The following GRM7 variants were observed in gnomAD, a reference collection of about 807,000 sequenced individuals.
GRM7 encodes the protein glutamate metabotropic receptor 7.
GRM7 carries 35 observed loss-of-function variants against 84.5 expected under a neutral mutation model. That is an observed-to-expected ratio of 0.41 (90% confidence interval 0.32 to 0.55). GRM7 has a LOEUF of 0.55. GRM7 is among the 20% of genes least tolerant of loss of function. The pLI is 0.19. For synonymous variants in GRM7, 487 were observed against 455.1 expected (o/e 1.07, Z -0.89); for missense variants, 1,003 against 1,194.6 (o/e 0.84, Z 2.36).
chr3:6,875,761 G>T (rs1247497794), intron 1 of GRM7, among the ~76,000 whole-genome samples: 1 of 152,166 alleles, frequency 6.6e-6, no homozygotes, highest in Non-Finnish European at 1.5e-5. Context: ...GTGAAGTAGG[G>T]TGGGGAGGTG....
At chr3:7,018,444 A>G (rs771951782) in intron 1 of GRM7, among the ~76,000 whole-genome samples, 2 of 152,244 alleles carry the variant, frequency 1.3e-5, no homozygotes, top group African/African-American at 2.4e-5. Flanking sequence ...CTACCTAGGG[A>G]TGAACACAGA....
intron 4 of GRM7, among the ~76,000 whole-genome samples, chr3:7,405,860 G>A (rs899874212): frequency 6.6e-6 from 1 of 151,860 alleles, no homozygotes; most frequent in Non-Finnish European, 1.5e-5. Flanking sequence ...AATATCAACA[G>A]TAGGTTATCA....
intron 1 of GRM7, among the ~76,000 whole-genome samples, chr3:6,882,512 C>G (rs539135676): frequency 7.8e-4 from 118 of 152,048 alleles, no homozygotes; most frequent in Non-Finnish European, 1.1e-3. Context: ...CACCACTGCC[C>G]CCCGGCCTGG....
At chr3:7,185,234 A>G (rs1403698302) in intron 2 of GRM7, among the ~76,000 whole-genome samples, 1 of 152,204 alleles carries the variant, frequency 6.6e-6, no homozygotes, top group African/African-American at 2.4e-5. Context: ...CACCTCTTCC[A>G]AAATAGACCT....
intron 9 of GRM7, among the ~76,000 whole-genome samples, chr3:7,708,073 T>G (rs329041): frequency 0.089 from 13,519 of 151,776 alleles, 1,107 homozygotes; most frequent in African/African-American, 0.21. Flanking sequence ...TTCCTATAAT[T>G]ATAGGATTTT....
chr3:7,196,246 C>A (rs1183305693), intron 2 of GRM7, among the ~76,000 whole-genome samples: 1 of 152,108 alleles, frequency 6.6e-6, no homozygotes, highest in Admixed American at 6.6e-5. Context: ...AGGTCTTTAA[C>A]TGATTAGGTA....
intron 9 of GRM7, among the ~76,000 whole-genome samples, chr3:7,699,384 T>C (rs1314295574): frequency 3.9e-5 from 6 of 152,194 alleles, no homozygotes; most frequent in Non-Finnish European, 8.8e-5. Flanking sequence ...TTCAACTCTC[T>C]ACATACACAT....
intron 1 of GRM7, among the ~76,000 whole-genome samples, chr3:7,126,392 C>A (rs1286427580): frequency 6.6e-6 from 1 of 152,086 alleles, no homozygotes; most frequent in African/African-American, 2.4e-5. Flanking sequence ...TTGAAAATCC[C>A]CCCTAATGTG....
chr3:7,317,257 C>T (rs1433533991), intron 4 of GRM7, among the ~76,000 whole-genome samples: 1 of 151,700 alleles, frequency 6.6e-6, no homozygotes, highest in Non-Finnish European at 1.5e-5. Context: ...AGAATTCCCA[C>T]CAACCTCTTC....
chr3:7,165,400 C>G (rs1694769523), intron 2 of GRM7, among the ~76,000 whole-genome samples: 2 of 152,308 alleles, frequency 1.3e-5, no homozygotes, highest in Admixed American at 6.5e-5. Flanking sequence ...AATATAGAAT[C>G]AAGTGTTTTA....
chr3:7,377,112 C>A (rs1199714638), intron 4 of GRM7, among the ~76,000 whole-genome samples: 1 of 152,218 alleles, frequency 6.6e-6, no homozygotes, highest in Admixed American at 6.5e-5. Flanking sequence ...ACTTATTTTT[C>A]TTTGGCAAAC....
intron 1 of GRM7, among the ~76,000 whole-genome samples, chr3:7,022,905 G>A (rs947377578): frequency 2.6e-5 from 4 of 152,164 alleles, no homozygotes; most frequent in African/African-American, 9.7e-5. Context: ...GAGGCAGGCA[G>A]TAGTCAGAGT....
At chr3:6,978,618 G>A (rs1361903350) in intron 1 of GRM7, among the ~76,000 whole-genome samples, 4 of 152,244 alleles carry the variant, frequency 2.6e-5, no homozygotes, top group South Asian at 4.1e-4. Flanking sequence ...ACTGCAAAAT[G>A]AGGATTTGTT....
At chr3:7,390,558 C>A (rs1260139732) in intron 4 of GRM7, among the ~76,000 whole-genome samples, 2 of 151,588 alleles carry the variant, frequency 1.3e-5, no homozygotes, top group African/African-American at 4.8e-5. Flanking sequence ...TTTTATTTTT[C>A]TTTTTTTAGT....
chr3:7,696,419 A>G (rs1289227008), intron 9 of GRM7, among the ~76,000 whole-genome samples: 1 of 152,166 alleles, frequency 6.6e-6, no homozygotes, highest in Non-Finnish European at 1.5e-5. Flanking sequence ...CAGTACATGG[A>G]TAATGACTAC....
intron 4 of GRM7, among the ~76,000 whole-genome samples, chr3:7,390,964 A>T (rs1478768302): frequency 6.6e-6 from 1 of 151,712 alleles, no homozygotes; most frequent in East Asian, 1.9e-4. Flanking sequence ...GTTTCTTTTC[A>T]TCTGAGTGAG....
chr3:6,963,037 C>A (rs1693361431), intron 1 of GRM7, among the ~76,000 whole-genome samples: 1 of 152,178 alleles, frequency 6.6e-6, no homozygotes, highest in Non-Finnish European at 1.5e-5. Flanking sequence ...TAGTTCATTT[C>A]TCTGCAGTGT....
At position 6,862,684 on chromosome 3, in the gene GRM7, C is replaced by A. The variant is rs867353293; in HGVS notation, c.519+777C>A. On this transcript the variant is annotated intron_variant, in intron 1 of 9. Coordinates refer to ENST00000357716, the MANE Select transcript of GRM7 (RefSeq NM_000844.4). This position sits in a 1 kb window ranked among gnomAD's most constrained non-coding sequence, Gnocchi z 5.2. ...TCAGACCTCAGCCCAGGGATGAGCT[C>A]ACGCGAAACGAAATCGCTCTCCCTG... 10 of 95,748 alleles carry A rather than the reference C, an allele frequency of 1.0e-4. No individual in the cohort carries two copies. The highest frequency in any genetic ancestry group is 3.9e-3 in the Middle Eastern group (1 of 258). 5.9% of individuals were successfully genotyped at this position (95,748 alleles called of 1,614,324 possible). A position where few individuals can be genotyped will look rare whatever the true frequency, so the allele number is the denominator to read the frequency against.
chr3:7,036,941 G>A (rs993908), intron 1 of GRM7, among the ~76,000 whole-genome samples: 63,579 of 151,954 alleles, frequency 0.42, 14,319 homozygotes, highest in South Asian at 0.58. Flanking sequence ...AGCAATTTAC[G>A]CAAAGAAGAG....
Sources: gnomAD v4.1 joint callset for allele counts (sites outside exome capture counted in the v4.1 genomes callset) on GRCh38, gnomAD v4.1.1 for gene constraint, Gnocchi (gnomAD v3.1) non-coding constraint, MANE v1.5 for transcripts, NCBI Gene and HGNC (gene_info 2026-07-23, HGNC 2026-07-21) for gene names.